The following SMYD3 variants were observed in gnomAD, a reference collection of about 807,000 sequenced individuals.
SMYD3 encodes SET and MYND domain containing 3.
A neutral mutation model predicts 57.7 loss-of-function variants in SMYD3; 36 were observed. That is an observed-to-expected ratio of 0.62 (90% CI 0.48 to 0.82). The LOEUF (loss-of-function observed/expected upper bound fraction) is 0.82. Among genes scored for constraint, SMYD3 ranks in the 40% least tolerant of loss-of-function variants. The pLI, the probability that SMYD3 is intolerant of heterozygous loss-of-function variation, is 0.00. For synonymous variants in SMYD3, 211 were observed against 195.0 expected (o/e 1.08, Z -0.68); for missense variants, 515 against 538.8 (o/e 0.96, Z 0.44).
intron 5 of SMYD3, among the ~76,000 whole-genome samples, chr1:246,147,644 G>A (rs2061872240): frequency 6.6e-6 from 1 of 151,846 alleles, no homozygotes; most frequent in South Asian, 2.1e-4. Context: ...GCCTTCCTGG[G>A]TGGGGCTACA....
chr1:246,022,363 G>C (rs75564019), intron 5 of SMYD3, among the ~76,000 whole-genome samples: 5,076 of 152,230 alleles, frequency 0.033, 288 homozygotes, highest in African/African-American at 0.12. Context: ...CTATCAATAG[G>C]AGATTGAGTA....
At chr1:246,221,602 A>G (rs1023748073) in intron 5 of SMYD3, among the ~76,000 whole-genome samples, 2 of 152,174 alleles carry the variant, frequency 1.3e-5, no homozygotes, top group African/African-American at 4.8e-5. Flanking sequence ...CCGGTGCCAG[A>G]CGGGAAAGCC....
chr1:245,998,927 G>A (rs556922202), intron 5 of SMYD3, among the ~76,000 whole-genome samples: 330 of 152,246 alleles, frequency 2.2e-3, no homozygotes, highest in African/African-American at 6.9e-3. Context: ...TTCCACTTAC[G>A]AGAGGTTCTG....
At chr1:246,400,557 T>A (rs1378042141) in intron 1 of SMYD3, among the ~76,000 whole-genome samples, 1 of 152,218 alleles carries the variant, frequency 6.6e-6, no homozygotes, top group Admixed American at 6.5e-5. Context: ...TTTTTAAAAT[T>A]ATTTCAGTGT....
chr1:246,414,428 G>T (rs2067024481), intron 1 of SMYD3, among the ~76,000 whole-genome samples: 1 of 152,090 alleles, frequency 6.6e-6, no homozygotes, highest in African/African-American at 2.4e-5. Flanking sequence ...CACAGAGGAG[G>T]GTCCACATAG....
At chr1:245,932,023 T>TA (rs1339892826) in intron 5 of SMYD3, among the ~76,000 whole-genome samples, 4 of 152,214 alleles carry the variant, frequency 2.6e-5, no homozygotes, top group Non-Finnish European at 5.9e-5. Context: ...GGTAAAAATA[T>TA]AAGACAGAAA....
intron 1 of SMYD3, among the ~76,000 whole-genome samples, chr1:246,470,675 T>C (rs781473069): frequency 7.9e-5 from 12 of 151,476 alleles, no homozygotes; most frequent in Non-Finnish European, 1.6e-4. Flanking sequence ...CATATGTGTG[T>C]ATATATATAG....
At chr1:245,835,674 C>A (rs1023318967) in intron 10 of SMYD3, among the ~76,000 whole-genome samples, 1 of 152,122 alleles carries the variant, frequency 6.6e-6, no homozygotes, top group Non-Finnish European at 1.5e-5. Flanking sequence ...ACTCTAACAC[C>A]CCAGTTTTAG....
chr1:245,905,902 T>A (rs1413336070), intron 8 of SMYD3, among the ~76,000 whole-genome samples: 6 of 152,090 alleles, frequency 3.9e-5, no homozygotes, highest in Non-Finnish European at 8.8e-5. Context: ...GAAAAGACAG[T>A]CTCTTCAATA....
intron 1 of SMYD3, among the ~76,000 whole-genome samples, chr1:246,463,769 G>A (rs1182741497): frequency 6.2e-5 from 9 of 145,666 alleles, no homozygotes; most frequent in Admixed American, 2.8e-4. Flanking sequence ...CCAGGAGGCG[G>A]AGTTTGCAGT....
intron 8 of SMYD3, among the ~76,000 whole-genome samples, chr1:245,912,811 G>T: frequency 6.6e-6 from 1 of 152,126 alleles, no homozygotes; most frequent in East Asian, 1.9e-4. Flanking sequence ...ACGTGCAGAA[G>T]AATGAAACTA....
At chr1:245,845,449 CAGA>C (rs1419766710) in intron 10 of SMYD3, among the ~76,000 whole-genome samples, 1 of 152,122 alleles carries the variant, frequency 6.6e-6, no homozygotes, top group Non-Finnish European at 1.5e-5. Flanking sequence ...TGCCTGTAGC[CAGA>C]AGGAGATAGC....
chr1:246,057,427 T>C (rs555576347), intron 5 of SMYD3, among the ~76,000 whole-genome samples: 3 of 152,342 alleles, frequency 2.0e-5, no homozygotes, highest in African/African-American at 7.2e-5. Flanking sequence ...TTAAAATGCA[T>C]TGCTGTTCCT....
intron 5 of SMYD3, among the ~76,000 whole-genome samples, chr1:246,320,928 G>A (rs1195345083): frequency 6.6e-6 from 1 of 152,166 alleles, no homozygotes. Context: ...ATCCTTTTAA[G>A]ATGCATGTGT....
chr1:245,855,529 C>A (rs1056428664), intron 10 of SMYD3, among the ~76,000 whole-genome samples: 1 of 152,170 alleles, frequency 6.6e-6, no homozygotes, highest in Non-Finnish European at 1.5e-5. Flanking sequence ...TATCTTCATT[C>A]TACTTCCTGT....
At chr1:246,442,601 AAGT>A (rs34130482) in intron 1 of SMYD3, among the ~76,000 whole-genome samples, 2 of 151,710 alleles carry the variant, frequency 1.3e-5, no homozygotes, top group African/African-American at 2.4e-5. Flanking sequence ...AACAAAGTAA[AAGT>A]AGTTACACAG....
intron 11 of SMYD3, among the ~76,000 whole-genome samples, chr1:245,751,800 T>C (rs1373053154): frequency 2.0e-5 from 3 of 152,066 alleles, no homozygotes; most frequent in African/African-American, 7.2e-5. Context: ...GGAATTGACT[T>C]CCTATTCATG....
intron 11 of SMYD3, among the ~76,000 whole-genome samples, chr1:245,755,914 T>C (rs2045585538): frequency 6.6e-6 from 1 of 151,922 alleles, no homozygotes; most frequent in Admixed American, 6.6e-5. Context: ...TAATTTACAA[T>C]GTTATTATTA....
rs1022642955 is a variant in SMYD3 at position 246,386,754 on chromosome 1, T to G, written c.165-31660A>C. The stretch of plus-strand genomic sequence containing the variant: ...TACCTCTTGGTCTCTATAGACAATA[T>G]GACAATGAGAGAAAGGGTGGGAGAA... On this transcript the variant is annotated intron_variant, in intron 1 of 11. Transcript: ENST00000490107. 2.6e-5 allele frequency among the ~76,000 whole-genome samples: 4 copies of G among 151,986 alleles called. No individual in the cohort carries two copies. The East Asian group carries it at 7.7e-4, about 29-fold the overall frequency.
Sources: gnomAD v4.1 joint callset for allele counts (sites outside exome capture counted in the v4.1 genomes callset) on GRCh38, gnomAD v4.1.1 for gene constraint, MANE v1.5 for transcripts, NCBI Gene and HGNC (gene_info 2026-07-23, HGNC 2026-07-21) for gene names.